ACIN1: variants seen among roughly 807,000 people sequenced by gnomAD.
ACIN1 encodes the protein apoptotic chromatin condensation inducer 1, also known as apoptotic chromatin condensation inducer in the nucleus.
ACIN1 carries 16 observed loss-of-function variants against 146.6 expected under a neutral mutation model. The ratio of observed to expected loss-of-function variants is 0.11; its 90% confidence interval spans 0.07 to 0.17. The LOEUF (loss-of-function observed/expected upper bound fraction) is 0.17, where lower values mean the gene tolerates loss of function less well. Among genes scored for constraint, ACIN1 ranks in the 10% least tolerant of loss-of-function variants. The pLI is 1.00. For synonymous variants in ACIN1, 569 were observed against 582.7 expected, an observed-to-expected ratio of 0.98 and a Z score of 0.34; for missense variants, 1,357 against 1,609.3, an observed-to-expected ratio of 0.84 and a Z score of 2.68.
At chr14:23,065,519 G>A (rs1371098901) in intron 10 of ACIN1, among the ~76,000 whole-genome samples, 1 of 152,188 alleles carries the variant, frequency 6.6e-6, no homozygotes, top group East Asian at 1.9e-4. Flanking sequence ...ACCCGGAGGC[G>A]GAGGTTGCAG....
chr14:23,071,761 T>G (rs2047663030), intron 8 of ACIN1: 2 of 479,176 alleles, frequency 4.2e-6, no homozygotes, highest in Non-Finnish European at 7.3e-6. Context: ...AGGGCTGGAG[T>G]GCTCCCTCCT....
intron 4 of ACIN1, among the ~76,000 whole-genome samples, chr14:23,085,523 T>C (rs2048068891): frequency 6.6e-6 from 1 of 152,244 alleles, no homozygotes; most frequent in Non-Finnish European, 1.5e-5. Context: ...ATTACTCCTC[T>C]GGAAGAACTT....
In ACIN1 at chr14:23,059,357, G is replaced by C; in HGVS notation, c.3643C>G (p.Arg1215Gly). 1.9e-6 allele frequency: 3 copies of C among 1,611,188 alleles called. No homozygotes were observed. Among genetic ancestry groups the C allele is most frequent in the Non-Finnish European group, 2.5e-6 (3 of 1,177,550 alleles). ...REKEAERERN[R>G]QLEREKRREH... is the part of the protein sequence containing the mutation. ...CGACGTTTCTCTCGCTCCAGCTGTC[G>C]GTTCCGTTCCCGCTCGGCTTCCTTC... Residue 1215 changes from arginine to glycine, a missense_variant, in exon 19 of 19, where the codon CGA (arginine) becomes GGA (glycine). By Grantham distance (125) the Arg-to-Gly change is moderately radical. Around this residue, in one of 4 missense-constraint regions of ACIN1, gnomAD observed 509 missense variants for 719.6 expected, o/e 0.71. Transcript: ENST00000605057.
chr14:23,068,159 C>T lies in ACIN1; in HGVS notation c.2265+1317G>A. ...AATCCCCAGGGGCTCAGACCCTAGACTCCTCTGCACGGTTCCTAGTCGTCA... is the reference window on the plus strand; with the variant it reads ...AATCCCCAGGGGCTCAGACCCTAGATTCCTCTGCACGGTTCCTAGTCGTCA... On this transcript the variant is annotated intron_variant, in intron 9 of 18. Transcript: ENST00000605057. This position sits in a 1 kb window ranked among gnomAD's most constrained non-coding sequence, Gnocchi z 4.3. The T allele has an allele frequency of 2.0e-6, 2 of 985,904 alleles. No homozygotes were observed. The highest frequency in any genetic ancestry group is 2.4e-6 in the Non-Finnish European group (2 of 829,962). 61.1% of individuals were successfully genotyped at this position (985,904 alleles called of 1,614,324 possible). A position where few individuals can be genotyped will look rare whatever the true frequency, so the allele number is the denominator to read the frequency against.
chr14:23,064,783 G>A, intron 10 of ACIN1: 1 of 251,118 alleles, frequency 4.0e-6, no homozygotes, highest in East Asian at 8.5e-5. Flanking sequence ...TGTAATCCCA[G>A]CTACTCAGGG....
intron 1 of ACIN1, among the ~76,000 whole-genome samples, chr14:23,094,324 C>A (rs2048309756): frequency 6.6e-6 from 1 of 152,136 alleles, no homozygotes; most frequent in Non-Finnish European, 1.5e-5. Flanking sequence ...GACAATCCCA[C>A]CTTAATCTAC....
chr14:23,060,579 C>G (rs963064703), intron 18 of ACIN1, among the ~76,000 whole-genome samples: 2 of 151,774 alleles, frequency 1.3e-5, no homozygotes, highest in Non-Finnish European at 2.9e-5. Flanking sequence ...ATGGCACGGT[C>G]TCTGCTCACT....
Position 23,080,039 on chromosome 14 carries a change from A to G in ACIN1, c.1296T>C (p.Ser432=). 1 of 1,614,092 alleles carries G rather than the reference A, an allele frequency of 6.2e-7. No individual in the cohort carries two copies. Among genetic ancestry groups the G allele is most frequent in the Non-Finnish European group, 8.5e-7 (1 of 1,180,020 alleles). Residue 432 remains serine, a synonymous_variant, in exon 6 of 19, where the codon TCT becomes TCC. Transcript: ENST00000605057. The part of the protein sequence containing the change: ...LSSPSDTKAE[S]PAEKVPEESV... ...TCTCCTCTGGCACTTTCTCTGCTGG[A>G]GATTCTGCTTTGGTGTCTGAAGGAC...
rs539292078 is a variant in ACIN1, at chr14:23,083,684, G to A, written c.437-1848C>T. ...GCGGAGCTTGCAGTGAGTCGAGATC[G>A]CGCCACTGCACTCCAGCCTGGGCGA... On this transcript the variant is annotated intron_variant, in intron 4 of 18. Transcript: ENST00000605057. 3.3e-5 allele frequency among the ~76,000 whole-genome samples: 5 copies of A among 152,116 alleles called. No individual in the cohort carries two copies. In the East Asian group the frequency reaches 7.8e-4, roughly 24 times the overall value.
intron 1 of ACIN1, 83 bp downstream of exon 1, chr14:23,094,892 G>A: frequency 1.3e-6 from 2 of 1,495,836 alleles, no homozygotes; most frequent in Non-Finnish European, 1.8e-6. Flanking sequence ...CGCCGAGCCC[G>A]GATACTGCGC....
At position 23,068,922 on chromosome 14, in the gene ACIN1, T is replaced by C. The variant is rs954392170; in HGVS notation, c.2265+554A>G. 7 of 985,282 alleles carry C rather than the reference T, an allele frequency of 7.1e-6. No homozygotes were observed. Among genetic ancestry groups the C allele is most frequent in the Non-Finnish European group, 8.4e-6 (7 of 829,982 alleles). The allele number at this position is 985,282 out of a possible 1,614,324, so 61.0% of individuals were successfully genotyped here. A position where few individuals can be genotyped will look rare whatever the true frequency, so the allele number is the denominator to read the frequency against. The stretch of plus-strand genomic sequence containing the variant: ...TGGGTGCAGGACACAAGATAACATA[T>C]GCCAAAAAAGGAGGTAGAGGGGTCA... On this transcript the variant is annotated intron_variant, in intron 9 of 18. Transcript: ENST00000605057. The surrounding 1 kb of genome is among the most constrained non-coding windows in gnomAD (Gnocchi z 4.3).
At chr14:23,089,165 C>T (rs1170261410) in intron 4 of ACIN1, among the ~76,000 whole-genome samples, 1 of 152,102 alleles carries the variant, frequency 6.6e-6, no homozygotes, top group Non-Finnish European at 1.5e-5. Flanking sequence ...CTTAGCCTCC[C>T]GAGTCACTGG....
intron 7 of ACIN1, 51 bp from the exon 8 acceptor site, chr14:23,078,317 GTTCCTT>G: frequency 3.9e-6 from 6 of 1,552,254 alleles, no homozygotes; most frequent in Non-Finnish European, 5.3e-6. Context: ...GATCTGCTTG[GTTCCTT>G]TTCTTCTACC....
At chr14:23,073,839 CTTT>C (rs530712203) in intron 8 of ACIN1, among the ~76,000 whole-genome samples, 9 of 135,832 alleles carry the variant, frequency 6.6e-5, no homozygotes, top group Admixed American at 3.7e-4. Context: ...TTGAAAATTC[CTTT>C]TTTTTTTTTT....
intron 7 of ACIN1, 107 bp downstream of exon 7, chr14:23,078,713 C>G (rs2047864463): frequency 8.2e-7 from 1 of 1,214,560 alleles, no homozygotes. Context: ...CACCACATTT[C>G]TACTGAACCT....
intron 12 of ACIN1, 69 bp downstream of exon 12, chr14:23,064,036 C>T: frequency 1.9e-6 from 3 of 1,588,048 alleles, no homozygotes; most frequent in Non-Finnish European, 2.6e-6. Flanking sequence ...TTTATCTCAG[C>T]TCCTCAGCTA....
intron 8 of ACIN1, among the ~76,000 whole-genome samples, chr14:23,074,282 A>C (rs1190778925): frequency 6.6e-6 from 1 of 150,500 alleles, no homozygotes; most frequent in Non-Finnish European, 1.5e-5. Flanking sequence ...GACAATAATG[A>C]GGGCCGGGCA....
At chr14:23,094,680 A>G in intron 1 of ACIN1, 1 of 711,178 alleles carries the variant, frequency 1.4e-6, no homozygotes, top group Non-Finnish European at 2.1e-6. Flanking sequence ...CATGCGCCGA[A>G]ACCACAGATA....
At chr14:23,062,108 A>C in intron 16 of ACIN1, 60 bp downstream of exon 16, 2 of 1,391,670 alleles carry the variant, frequency 1.4e-6, no homozygotes, top group Non-Finnish European at 2.0e-6. Context: ...TCTCAGCTGA[A>C]ATCTAGCAGA....
Sources: allele counts gnomAD v4.1 joint callset (sites outside exome capture counted in the v4.1 genomes callset), GRCh38; gene constraint gnomAD v4.1.1; regional missense constraint gnomAD v4.1.1; non-coding constraint Gnocchi (gnomAD v3.1); transcripts MANE v1.5; gene names NCBI Gene and HGNC (gene_info 2026-07-23, HGNC 2026-07-21).